Variants in CNTNAP3B observed in about 807,000 individuals in gnomAD.
CNTNAP3B encodes the protein contactin-associated protein-like 3B.
CNTNAP3B carries 25 observed loss-of-function variants against 108.9 expected under a neutral mutation model. That is an observed-to-expected ratio of 0.23 (90% confidence interval 0.17 to 0.32). The LOEUF (loss-of-function observed/expected upper bound fraction) is 0.32. CNTNAP3B is among the 10% of genes least tolerant of loss of function. CNTNAP3B has a pLI of 1.00. For synonymous variants in CNTNAP3B, 103 were observed against 473.4 expected, an observed-to-expected ratio of 0.22 and a Z score of 10.16; for missense variants, 252 against 1,210.4, an observed-to-expected ratio of 0.21 and a Z score of 11.75.
chr9:42,003,292 C>T (rs1826036745), intron 4 of CNTNAP3B, among the ~76,000 whole-genome samples: 1 of 108,936 alleles, frequency 9.2e-6, no homozygotes, highest in South Asian at 3.2e-4. Flanking sequence ...GTCTCATCCC[C>T]ATCCTACCTT....
chr9:41,994,641 T>C lies in CNTNAP3B; in HGVS notation c.1071+1564A>G, dbSNP rs1487183180. The C allele has an allele frequency of 2.0e-4, 103 of 503,602 alleles. 3 individuals carry two copies. The Admixed American group carries it at 3.2e-3, about 16-fold the overall frequency. 31.2% of individuals were successfully genotyped at this position (503,602 alleles called of 1,614,324 possible). A position where few individuals can be genotyped will look rare whatever the true frequency, so the allele number is the denominator to read the frequency against. On this transcript the variant is annotated intron_variant, in intron 7 of 23. Transcript: ENST00000377561. Reference sequence around the variant, plus strand: ...CTTTTTTTTTTTTTTCTCCTTTACCTTCTTGGAAAGTTCATGGGCTTCACA... The same window carrying C: ...CTTTTTTTTTTTTTTCTCCTTTACCCTCTTGGAAAGTTCATGGGCTTCACA...
chr9:41,930,523 G>A lies in CNTNAP3B; in HGVS notation c.2238-1079C>T, dbSNP rs1218213464. Among the ~76,000 whole-genome samples, 14 of 151,918 alleles carry A rather than the reference G, an allele frequency of 9.2e-5. No homozygotes were observed. In the East Asian group the frequency reaches 2.3e-3, roughly 25 times the overall value. ...GCAACACTGCACTCCAGCCTGGGTGGCAAAGTGAGACCCTGTCTCAAAAAA... is the reference window on the plus strand; with the variant it reads ...GCAACACTGCACTCCAGCCTGGGTGACAAAGTGAGACCCTGTCTCAAAAAA... On this transcript the variant is annotated intron_variant, in intron 14 of 23. Transcript: ENST00000377561.
intron 1 of CNTNAP3B, among the ~76,000 whole-genome samples, chr9:42,122,145 T>C (rs1179310823): frequency 1.4e-5 from 2 of 139,650 alleles, no homozygotes; most frequent in Non-Finnish European, 3.1e-5. Context: ...AAATCTCTTA[T>C]AGTTCAAGAT....
chr9:42,035,485 A>G (rs1186763008), intron 3 of CNTNAP3B, among the ~76,000 whole-genome samples: 2 of 145,818 alleles, frequency 1.4e-5, no homozygotes, highest in Non-Finnish European at 3.0e-5. Context: ...AATAATAAAG[A>G]CTCTGGAACC....
At chr9:42,115,064 A>T (rs1485607246) in intron 1 of CNTNAP3B, among the ~76,000 whole-genome samples, 1 of 137,282 alleles carries the variant, frequency 7.3e-6, no homozygotes, top group Non-Finnish European at 1.6e-5. Context: ...GGAAAAAAAA[A>T]AGAAATACTT....
chr9:42,002,463 G>A (rs1197226432), intron 4 of CNTNAP3B, among the ~76,000 whole-genome samples: 1 of 103,250 alleles, frequency 9.7e-6, no homozygotes, highest in Non-Finnish European at 2.1e-5. Context: ...GAAAAACTAA[G>A]GACAGATATG....
intron 13 of CNTNAP3B, among the ~76,000 whole-genome samples, chr9:41,948,169 G>A (rs1458566040): frequency 6.7e-6 from 1 of 149,028 alleles, no homozygotes; most frequent in Non-Finnish European, 1.5e-5. Context: ...TTGGCTCACT[G>A]CAACCTCTGC....
chr9:41,931,516 A>G (rs1377396255), intron 14 of CNTNAP3B, among the ~76,000 whole-genome samples: 13 of 152,254 alleles, frequency 8.5e-5, no homozygotes, highest in Admixed American at 2.0e-4. Flanking sequence ...TAAAATGGCT[A>G]TATTATTTAA....
chr9:41,963,745 C>G (rs1230495046), intron 11 of CNTNAP3B, among the ~76,000 whole-genome samples: 1 of 151,346 alleles, frequency 6.6e-6, no homozygotes, highest in East Asian at 1.9e-4. Flanking sequence ...GGAGCCAAGG[C>G]TGTGGAGCCA....
At chr9:42,121,941 G>T (rs1317297089) in intron 1 of CNTNAP3B, among the ~76,000 whole-genome samples, 18 of 140,178 alleles carry the variant, frequency 1.3e-4, no homozygotes, top group Admixed American at 9.2e-4. Flanking sequence ...TTACAGCATA[G>T]CAAACAGTAT....
intron 14 of CNTNAP3B, among the ~76,000 whole-genome samples, chr9:41,934,176 T>TACACACACACACATATATATAC (rs1359407592): frequency 0.16 from 13,260 of 84,736 alleles, 15 homozygotes; most frequent in South Asian, 0.23. Flanking sequence ...CACATATATA[T>TACACACACACACATATATATAC]ACACACACAC....
chr9:41,995,765 G>A lies in CNTNAP3B; in HGVS notation c.1071+440C>T, dbSNP rs536759968. 1.0e-4 allele frequency among the ~76,000 whole-genome samples: 14 copies of A among 134,704 alleles called. 2 individuals carry two copies. Among genetic ancestry groups the A allele is most frequent in the African/African-American group, 3.9e-4 (13 of 33,500 alleles). The allele number at this position is 134,704 out of a possible 152,430, so 88.4% of individuals were successfully genotyped here. A position where few individuals can be genotyped will look rare whatever the true frequency, so the allele number is the denominator to read the frequency against. On this transcript the variant is annotated intron_variant, in intron 7 of 23. Transcript: ENST00000377561. Reference sequence around the variant, plus strand: ...AAAAAAAAAAAATTGGCCAGGCCCGGTGGCTCACACCTGTAATCCCAGCAC... The same window carrying A: ...AAAAAAAAAAAATTGGCCAGGCCCGATGGCTCACACCTGTAATCCCAGCAC...
At chr9:41,933,176 GT>G (rs1824033500) in intron 14 of CNTNAP3B, among the ~76,000 whole-genome samples, 1 of 152,118 alleles carries the variant, frequency 6.6e-6, no homozygotes, top group Non-Finnish European at 1.5e-5. Flanking sequence ...TTAAAAGAGG[GT>G]ATCTCAACAG....
chr9:42,087,580 T>C (rs1249777719), intron 2 of CNTNAP3B, among the ~76,000 whole-genome samples: 1 of 145,056 alleles, frequency 6.9e-6, no homozygotes, highest in Non-Finnish European at 1.5e-5. Flanking sequence ...GATACAAATA[T>C]GCTGAAACTC....
At chr9:41,964,978 A>G (rs535250904) in intron 10 of CNTNAP3B, among the ~76,000 whole-genome samples, 230 of 152,248 alleles carry the variant, frequency 1.5e-3, no homozygotes, top group African/African-American at 5.0e-3. Flanking sequence ...CAGTTACTAT[A>G]TTGTGGTCAT....
intron 10 of CNTNAP3B, among the ~76,000 whole-genome samples, chr9:41,967,892 T>C (rs1825328694): frequency 6.6e-6 from 1 of 152,282 alleles, no homozygotes; most frequent in South Asian, 2.1e-4. Flanking sequence ...GTACACATCA[T>C]GGCTGAAGTT....
intron 2 of CNTNAP3B, among the ~76,000 whole-genome samples, chr9:42,103,734 C>CTAAA (rs1828049674): frequency 3.8e-5 from 1 of 26,228 alleles, no homozygotes; most frequent in African/African-American, 1.6e-4. Flanking sequence ...GACTCCGTCT[C>CTAAA]AAAAAAAAAA....
At chr9:41,943,535 G>C (rs1224925547) in intron 13 of CNTNAP3B, among the ~76,000 whole-genome samples, 1 of 151,828 alleles carries the variant, frequency 6.6e-6, no homozygotes, top group Non-Finnish European at 1.5e-5. Context: ...TGTATTTTTA[G>C]TAGAGACGTG....
chr9:41,941,800 C>A (rs946316898), intron 13 of CNTNAP3B, among the ~76,000 whole-genome samples: 1 of 150,660 alleles, frequency 6.6e-6, no homozygotes, highest in Non-Finnish European at 1.5e-5. Context: ...GGACAAGCTA[C>A]AGAGATTGAA....
Sources: gnomAD v4.1 joint callset for allele counts (sites outside exome capture counted in the v4.1 genomes callset) on GRCh38, gnomAD v4.1.1 for gene constraint, MANE v1.5 for transcripts, NCBI Gene and HGNC (gene_info 2026-07-23, HGNC 2026-07-21) for gene names.